Variants in PPP1R9A observed in about 807,000 individuals in gnomAD.
PPP1R9A encodes protein phosphatase 1 regulatory subunit 9A, also known as neurabin-1.
In PPP1R9A, 59 loss-of-function variants were observed where a neutral mutation model predicts 141.9. The observed-to-expected ratio is 0.42, with a 90% CI of 0.34 to 0.52. PPP1R9A has a LOEUF of 0.52. Ranked by LOEUF, PPP1R9A falls within the 20% of genes least tolerant of loss-of-function variation. The pLI is 0.10. For synonymous variants in PPP1R9A, 500 were observed against 569.7 expected, an observed-to-expected ratio of 0.88 and a Z score of 1.74; for missense variants, 1,444 against 1,611.9, an observed-to-expected ratio of 0.90 and a Z score of 1.78.
chr7:95,181,112 T>C lies in PPP1R9A; in HGVS notation c.1755-17237T>C, dbSNP rs146453144. 1.9e-4 allele frequency among the ~76,000 whole-genome samples: 28 copies of C among 150,368 alleles called. No individual in the cohort carries two copies. In the East Asian group the frequency reaches 5.4e-3, roughly 29 times the overall value. On this transcript the variant is annotated intron_variant, in intron 5 of 19. Transcript: ENST00000433360. Reference sequence around the variant, plus strand: ...AACACAGTTCACAACTGCAACATCATGGAGCCAACGCAAATGCCCATCAAT... The same window carrying C: ...AACACAGTTCACAACTGCAACATCACGGAGCCAACGCAAATGCCCATCAAT...
chr7:95,210,569 G>T (rs1353635167), intron 7 of PPP1R9A, among the ~76,000 whole-genome samples: 1 of 151,876 alleles, frequency 6.6e-6, no homozygotes, highest in Non-Finnish European at 1.5e-5. Context: ...CGGTTCAAGC[G>T]ATTCTCCTGC....
chr7:95,278,424 A>G (rs1289557061), intron 16 of PPP1R9A, among the ~76,000 whole-genome samples: 1 of 152,160 alleles, frequency 6.6e-6, no homozygotes, highest in Non-Finnish European at 1.5e-5. Context: ...TATTGTTAAA[A>G]TTATTTTACC....
chr7:95,064,134 T>G (rs909254493), intron 2 of PPP1R9A, among the ~76,000 whole-genome samples: 19 of 152,190 alleles, frequency 1.2e-4, no homozygotes, highest in African/African-American at 3.4e-4. Flanking sequence ...AAACACTGAA[T>G]CAGTGCATAT....
intron 2 of PPP1R9A, among the ~76,000 whole-genome samples, chr7:95,097,651 A>G (rs1818220981): frequency 2.0e-5 from 3 of 152,218 alleles, no homozygotes; most frequent in Admixed American, 6.5e-5. Context: ...ACTACTTATA[A>G]TGAATGCTGA....
chr7:94,939,817 T>TACACACACAC lies in PPP1R9A; in HGVS notation c.1395+28332_1395+28341dup, dbSNP rs4014722. On this transcript the variant is annotated intron_variant, in intron 2 of 19. Coordinates refer to ENST00000433360, the MANE Select transcript of PPP1R9A (RefSeq NM_001166160.2). ...ATGTATACATACATGTATATATGTG[T>TACACACACAC]ACACACACACACACACACACACACA... 4.8e-5 allele frequency among the ~76,000 whole-genome samples: 7 copies of TACACACACAC among 145,256 alleles called. No individual in the cohort carries two copies. The East Asian group carries it at 6.0e-4, about 13-fold the overall frequency.
At position 95,273,940 on chromosome 7, in the gene PPP1R9A, T is replaced by C. The variant is rs756554643; in HGVS notation, c.3166T>C (p.Leu1056=). 2 of 1,505,132 alleles carry C rather than the reference T, an allele frequency of 1.3e-6. No homozygotes were observed. The highest frequency in any genetic ancestry group is 1.8e-6 in the Non-Finnish European group (2 of 1,095,312). 93.2% of individuals were successfully genotyped at this position (1,505,132 alleles called of 1,614,324 possible). ...CAAATCACTAAGGGCATCCAGTTCA[T>C]TGGCGGTGCAAGGAGGAAAAATTAA... ...DPKSLRASSS[L]AVQGGKIKRK... is the part of the protein sequence containing the mutation. Residue 1056 remains leucine, a synonymous_variant, in exon 15 of 20, where the codon TTG becomes CTG. Transcript: ENST00000433360.
In PPP1R9A at chr7:95,290,408, A is replaced by G; in HGVS notation, c.*105A>G. On this transcript the variant is annotated 3_prime_UTR_variant, in exon 20 of 20. Coordinates refer to ENST00000433360, the MANE Select transcript of PPP1R9A (RefSeq NM_001166160.2). ...AAAAAGAAACTAAATGATAAGGGTAATGCGGCTCTAGGCCGGCTGAGGAAC... is the reference window on the plus strand; with the variant it reads ...AAAAAGAAACTAAATGATAAGGGTAGTGCGGCTCTAGGCCGGCTGAGGAAC... 7.8e-7 allele frequency: 1 copy of G among 1,285,156 alleles called. No homozygotes were observed. Among genetic ancestry groups the G allele is most frequent in the South Asian group, 1.5e-5 (1 of 64,578 alleles). The allele number at this position is 1,285,156 out of a possible 1,614,324, so 79.6% of individuals were successfully genotyped here. A position where few individuals can be genotyped will look rare whatever the true frequency, so the allele number is the denominator to read the frequency against.
chr7:95,203,674 G>A lies in PPP1R9A; in HGVS notation c.1900G>A (p.Ala634Thr), dbSNP rs375766359. Residue 634 changes from alanine to threonine, a missense_variant, in exon 7 of 20, where the codon GCT becomes ACT. Physicochemically the swap from Ala to Thr is moderately conservative, Grantham distance 58 (BLOSUM62 0). Transcript: ENST00000433360. ...TTGTCAACCATTTTAGAACACTGTG[G>A]CTGAATTGCAAGGAATGTCTGGCAA... ...YDADDDENTV[A>T]ELQGMSGNCN... 1.9e-5 allele frequency: 29 copies of A among 1,536,036 alleles called. No individual in the cohort carries two copies. In the African/African-American group the frequency reaches 3.6e-4, roughly 19 times the overall value.
At position 95,190,329 on chromosome 7, in the gene PPP1R9A, CTG is replaced by C. The variant is rs1476990289; in HGVS notation, c.1755-8016_1755-8015del. On this transcript the variant is annotated intron_variant, in intron 5 of 19. Coordinates refer to ENST00000433360, the MANE Select transcript of PPP1R9A (RefSeq NM_001166160.2). ...AGACACCTAGCAGGGTTACTAGGCT[CTG>C]TGTTAGTGCTGGGAAATGTCTGTAA... Among the ~76,000 whole-genome samples, 3 of 152,272 alleles carry C rather than the reference CTG, an allele frequency of 2.0e-5. No homozygotes were observed. The South Asian group carries it at 6.2e-4, about 32-fold the overall frequency.
chr7:95,114,857 A>G (rs1004421327), intron 3 of PPP1R9A, among the ~76,000 whole-genome samples: 1 of 150,630 alleles, frequency 6.6e-6, no homozygotes, highest in Non-Finnish European at 1.5e-5. Context: ...ATCCCAAACC[A>G]TCGTGGAAAG....
chr7:95,246,456 C>T (rs1331678852), intron 8 of PPP1R9A, among the ~76,000 whole-genome samples: 1 of 152,144 alleles, frequency 6.6e-6, no homozygotes, highest in Non-Finnish European at 1.5e-5. Context: ...AGTGGTACAA[C>T]CTGACCTAAC....
At chr7:95,227,405 A>G (rs528728076) in intron 8 of PPP1R9A, among the ~76,000 whole-genome samples, 3 of 152,294 alleles carry the variant, frequency 2.0e-5, no homozygotes, top group Middle Eastern at 3.4e-3. Context: ...ATGGAAAGTT[A>G]TATCTTCCAT....
intron 2 of PPP1R9A, among the ~76,000 whole-genome samples, chr7:95,079,787 A>T (rs891288348): frequency 6.6e-6 from 1 of 152,216 alleles, no homozygotes; most frequent in African/African-American, 2.4e-5. Context: ...GGTTCAATAT[A>T]TGCAAATCAA....
intron 5 of PPP1R9A, among the ~76,000 whole-genome samples, chr7:95,188,464 C>G (rs1419419084): frequency 6.6e-6 from 1 of 151,996 alleles, no homozygotes; most frequent in Non-Finnish European, 1.5e-5. Context: ...TTAAGTGGAG[C>G]CTTTAGGTCA....
intron 2 of PPP1R9A, among the ~76,000 whole-genome samples, chr7:94,936,678 G>GTGTGTGTT (rs1794804248): frequency 1.3e-5 from 2 of 151,560 alleles, no homozygotes; most frequent in African/African-American, 2.4e-5. Flanking sequence ...GTGTGTGTGT[G>GTGTGTGTT]TGTGTTTGTG....
intron 2 of PPP1R9A, among the ~76,000 whole-genome samples, chr7:95,085,215 T>C (rs781158989): frequency 3.9e-5 from 6 of 151,912 alleles, no homozygotes; most frequent in Non-Finnish European, 7.4e-5. Context: ...CTTAGCCCCA[T>C]TTTTTTGTTT....
chr7:95,283,043 G>C (rs753099659), intron 16 of PPP1R9A, among the ~76,000 whole-genome samples: 10 of 152,132 alleles, frequency 6.6e-5, no homozygotes, highest in Non-Finnish European at 1.3e-4. Flanking sequence ...GGGAATCTCT[G>C]TGTTATCGTG....
intron 6 of PPP1R9A, among the ~76,000 whole-genome samples, chr7:95,199,623 A>G (rs905117229): frequency 2.6e-5 from 4 of 152,196 alleles, no homozygotes; most frequent in Non-Finnish European, 5.9e-5. Flanking sequence ...TCAAAGAATA[A>G]TATATTAGAA....
intron 2 of PPP1R9A, among the ~76,000 whole-genome samples, chr7:95,085,587 G>T (rs145994406): frequency 1.4e-3 from 213 of 151,636 alleles, no homozygotes; most frequent in Middle Eastern, 3.4e-3. Context: ...GCTAATTTTT[G>T]TATTTTTAGT....
Sources: gnomAD v4.1 joint callset for allele counts (sites outside exome capture counted in the v4.1 genomes callset) on GRCh38, gnomAD v4.1.1 for gene constraint, MANE v1.5 for transcripts, NCBI Gene and HGNC (gene_info 2026-07-23, HGNC 2026-07-21) for gene names.